XKR9: variants seen among roughly 807,000 people sequenced by gnomAD.
XKR9 encodes the protein XK-related protein 9.
Under a neutral mutation model 32.0 loss-of-function variants are expected in XKR9, and 32 were observed. That is an observed-to-expected ratio of 1.00 (90% CI 0.76 to 1.34). The LOEUF is 1.34. Ranked by LOEUF, XKR9 falls within the 40% of genes most tolerant of loss-of-function variation. XKR9 has a pLI of 0.00. For missense variants in XKR9, 546 were observed against 429.7 expected, an observed-to-expected ratio of 1.27 and a Z score of -2.39; for synonymous variants, 168 against 143.4, an observed-to-expected ratio of 1.17 and a Z score of -1.22.
At chr8:70,751,828 C>G (rs927342995) in intron 2 of XKR9, among the ~76,000 whole-genome samples, 15 of 152,176 alleles carry the variant, frequency 9.9e-5, no homozygotes, top group African/African-American at 1.7e-4. Context: ...TGTTCTCACA[C>G]CTTTGAACTT....
At chr8:70,817,812 A>G in the XKR9 span, among the ~76,000 whole-genome samples, 2 of 152,290 alleles carry the variant, frequency 1.3e-5, no homozygotes, top group Middle Eastern at 6.8e-3. Context: ...AAAGCTGTAC[A>G]CCTACAACCA....
At chr8:71,045,436 G>C in the XKR9 span, among the ~76,000 whole-genome samples, 18 of 152,164 alleles carry the variant, frequency 1.2e-4, no homozygotes, top group African/African-American at 4.1e-4. Context: ...GATCTTCTAC[G>C]TGCTCTTCTT....
the XKR9 span, among the ~76,000 whole-genome samples, chr8:70,822,710 C>T: frequency 4.6e-5 from 7 of 152,148 alleles, no homozygotes; most frequent in African/African-American, 1.4e-4. Flanking sequence ...TAGCAGCAAG[C>T]ATGACTTGTT....
At chr8:70,917,988 A>G in the XKR9 span, among the ~76,000 whole-genome samples, 1 of 152,232 alleles carries the variant, frequency 6.6e-6, no homozygotes, top group African/African-American at 2.4e-5. Flanking sequence ...TATTAATTGT[A>G]ATATAAGGAT....
intron 2 of XKR9, among the ~76,000 whole-genome samples, chr8:70,761,355 C>T (rs1428938133): frequency 6.6e-6 from 1 of 152,056 alleles, no homozygotes; most frequent in Admixed American, 6.6e-5. Flanking sequence ...CTTTTTTCAC[C>T]ACAGCCTCAC....
intron 4 of XKR9, among the ~76,000 whole-genome samples, chr8:70,727,871 A>G (rs975790302): frequency 6.6e-6 from 1 of 151,812 alleles, no homozygotes; most frequent in Non-Finnish European, 1.5e-5. Context: ...CGATCTGGGT[A>G]GTGCCACCTG....
chr8:70,810,315 G>A, the XKR9 span, among the ~76,000 whole-genome samples: 6 of 152,096 alleles, frequency 3.9e-5, no homozygotes, highest in African/African-American at 7.2e-5. Flanking sequence ...AGGAACAACC[G>A]GTAACAGCCA....
chr8:70,974,547 C>T, the XKR9 span, among the ~76,000 whole-genome samples: 1 of 152,162 alleles, frequency 6.6e-6, no homozygotes, highest in African/African-American at 2.4e-5. Flanking sequence ...CCAGCTTCGT[C>T]CATGTCCCTA....
the XKR9 span, among the ~76,000 whole-genome samples, chr8:71,021,498 CTTTT>C: frequency 5.7e-3 from 578 of 101,364 alleles, 3 homozygotes; most frequent in African/African-American, 0.02. Flanking sequence ...TTGATGGTTT[CTTTT>C]TTTTTTTTTT....
intron 3 of XKR9, among the ~76,000 whole-genome samples, chr8:70,701,263 C>G (rs1028419042): frequency 3.3e-5 from 5 of 152,216 alleles, no homozygotes; most frequent in African/African-American, 1.2e-4. Context: ...ATGCAGAAAT[C>G]ACCCATCTTC....
chr8:70,804,101 G>A, the XKR9 span, among the ~76,000 whole-genome samples: 2 of 152,328 alleles, frequency 1.3e-5, no homozygotes, highest in Non-Finnish European at 2.9e-5. Flanking sequence ...TGTGGGTGGG[G>A]TTGCCCTCCC....
the XKR9 span, among the ~76,000 whole-genome samples, chr8:71,015,315 A>G: frequency 6.6e-6 from 1 of 152,190 alleles, no homozygotes; most frequent in Admixed American, 6.5e-5. Context: ...GAGGGACATT[A>G]GGGAGGAACT....
the XKR9 span, among the ~76,000 whole-genome samples, chr8:70,975,978 C>A: frequency 6.6e-6 from 1 of 152,102 alleles, no homozygotes. Flanking sequence ...AGTTGGATTC[C>A]TAGGTATTTT....
chr8:70,979,481 C>G, the XKR9 span, among the ~76,000 whole-genome samples: 2 of 152,206 alleles, frequency 1.3e-5, no homozygotes, highest in Non-Finnish European at 1.5e-5. Flanking sequence ...AGTTTTCCTT[C>G]TAACAGTCAG....
chr8:70,898,947 C>A, the XKR9 span, among the ~76,000 whole-genome samples: 1 of 152,018 alleles, frequency 6.6e-6, no homozygotes, highest in Non-Finnish European at 1.5e-5. Flanking sequence ...GGGTCTTGTT[C>A]TGTTGCCTAG....
At chr8:71,031,220 T>C in the XKR9 span, among the ~76,000 whole-genome samples, 137 of 152,316 alleles carry the variant, frequency 9.0e-4, no homozygotes, top group Middle Eastern at 3.4e-3. Flanking sequence ...AATTTATCTT[T>C]TGTGCAATTT....
intron 4 of XKR9, among the ~76,000 whole-genome samples, chr8:70,727,606 G>T (rs1249060306): frequency 6.6e-6 from 1 of 151,942 alleles, no homozygotes; most frequent in African/African-American, 2.4e-5. Flanking sequence ...CACCATATTG[G>T]CCAGGCTGGT....
chr8:71,023,096 G>A, the XKR9 span, among the ~76,000 whole-genome samples: 1 of 151,454 alleles, frequency 6.6e-6, no homozygotes, highest in Non-Finnish European at 1.5e-5. Context: ...TCTTTTTCAG[G>A]CATTCTATAC....
At chr8:71,027,490 A>G in the XKR9 span, among the ~76,000 whole-genome samples, 2 of 114,826 alleles carry the variant, frequency 1.7e-5, no homozygotes, top group South Asian at 2.4e-4. Flanking sequence ...AGAAATATAT[A>G]TGTGTGTGTA....
Sources: allele counts gnomAD v4.1 joint callset (sites outside exome capture counted in the v4.1 genomes callset), GRCh38; gene constraint gnomAD v4.1.1; transcripts MANE v1.5; gene names NCBI Gene and HGNC (gene_info 2026-07-23, HGNC 2026-07-21).